CLOCK: variants seen among roughly 807,000 people sequenced by gnomAD.
CLOCK encodes clock circadian regulator.
In CLOCK, 43 loss-of-function variants were observed where a neutral mutation model predicts 118.4. The observed-to-expected ratio is 0.36, with a 90% CI of 0.28 to 0.47. CLOCK has a LOEUF of 0.47. CLOCK is among the 20% of genes least tolerant of loss of function. CLOCK has a pLI of 1.00. For missense variants in CLOCK, 846 were observed against 999.9 expected, an observed-to-expected ratio of 0.85 and a Z score of 2.08; for synonymous variants, 326 against 339.2, an observed-to-expected ratio of 0.96 and a Z score of 0.43.
At chr4:55,485,313 A>G (rs973910832) in intron 3 of CLOCK, among the ~76,000 whole-genome samples, 2 of 152,184 alleles carry the variant, frequency 1.3e-5, no homozygotes, top group Non-Finnish European at 2.9e-5. Context: ...TTTCCAGCCA[A>G]TTGACATACA....
intron 11 of CLOCK, among the ~76,000 whole-genome samples, chr4:55,458,235 T>C (rs535865914): frequency 6.6e-6 from 1 of 152,320 alleles, no homozygotes; most frequent in South Asian, 2.1e-4. Flanking sequence ...TAATTTTTTG[T>C]ATTTTTTGTA....
At chr4:55,472,956 A>G (rs896819619) in intron 7 of CLOCK, among the ~76,000 whole-genome samples, 2 of 152,278 alleles carry the variant, frequency 1.3e-5, no homozygotes, top group Non-Finnish European at 1.5e-5. Flanking sequence ...ACTGTTCGCC[A>G]GGCTTACACC....
Position 55,516,154 on chromosome 4 carries a change from G to A in CLOCK, c.-289-6089C>T, listed in dbSNP as rs1577838082. Among the ~76,000 whole-genome samples the A allele has an allele frequency of 2.0e-5, 3 of 152,168 alleles. No homozygotes were observed. The East Asian group carries it at 5.8e-4, about 29-fold the overall frequency. On this transcript the variant is annotated intron_variant, in intron 1 of 22. Transcript: ENST00000513440. ...TGTGGTGAGTGTTCCATGTAGGCTT[G>A]AGAAGAATGTGTATTGTGCTGTTGT...
intron 1 of CLOCK, among the ~76,000 whole-genome samples, chr4:55,543,821 T>C (rs1052813311): frequency 2.6e-5 from 4 of 151,596 alleles, no homozygotes; most frequent in Non-Finnish European, 4.4e-5. Context: ...TTAAAAAAGA[T>C]TGAACGGACC....
intron 18 of CLOCK, among the ~76,000 whole-genome samples, chr4:55,446,049 C>T (rs950601484): frequency 2.6e-5 from 4 of 151,046 alleles, no homozygotes; most frequent in African/African-American, 7.3e-5. Flanking sequence ...CCTGGATTTA[C>T]AAGACCTGAG....
At chr4:55,485,969 C>T (rs1727272754) in intron 3 of CLOCK, among the ~76,000 whole-genome samples, 1 of 152,126 alleles carries the variant, frequency 6.6e-6, no homozygotes, top group Non-Finnish European at 1.5e-5. Flanking sequence ...GAATCAAATG[C>T]TCCTTTACTT....
chr4:55,516,961 T>G (rs1347976131), intron 1 of CLOCK, among the ~76,000 whole-genome samples: 1 of 152,228 alleles, frequency 6.6e-6, no homozygotes, highest in Non-Finnish European at 1.5e-5. Context: ...TACCACGTAA[T>G]AATCCTAATA....
intron 1 of CLOCK, among the ~76,000 whole-genome samples, chr4:55,543,857 G>A (rs1447683936): frequency 1.3e-5 from 2 of 151,660 alleles, no homozygotes; most frequent in African/African-American, 4.8e-5. Flanking sequence ...TGAAAAATAA[G>A]TGACACTTTG....
chr4:55,536,706 A>G (rs754464658), intron 1 of CLOCK, among the ~76,000 whole-genome samples: 1 of 152,220 alleles, frequency 6.6e-6, no homozygotes, highest in Admixed American at 6.5e-5. Context: ...ATTCTTTTAT[A>G]GTAATGCAAA....
intron 2 of CLOCK, among the ~76,000 whole-genome samples, chr4:55,495,476 G>A (rs1728004627): frequency 6.6e-6 from 1 of 151,964 alleles, no homozygotes; most frequent in African/African-American, 2.4e-5. Flanking sequence ...GAACTTCCTT[G>A]TAACTCACTG....
chr4:55,437,791 T>G (rs1723004621), intron 22 of CLOCK, among the ~76,000 whole-genome samples: 1 of 152,202 alleles, frequency 6.6e-6, no homozygotes, highest in South Asian at 2.1e-4. Flanking sequence ...TACATATACT[T>G]AGCTCATAGA....
At position 55,519,082 on chromosome 4, in the gene CLOCK, C is replaced by T. The variant is rs79265596; in HGVS notation, c.-289-9017G>A. Among the ~76,000 whole-genome samples the T allele has an allele frequency of 1.9e-3, 287 of 152,212 alleles. 1 individual carries two copies. The highest frequency in any genetic ancestry group is 6.4e-3 in the African/African-American group (265 of 41,528). On this transcript the variant is annotated intron_variant, in intron 1 of 22. Transcript: ENST00000513440. ...ATTTTACTTTTACTTGATAGGGTTT[C>T]GCTCTGTTGCCCAGGCTGGAGTGCA...
At chr4:55,477,600 T>C (rs1317423632) in intron 6 of CLOCK, among the ~76,000 whole-genome samples, 2 of 152,126 alleles carry the variant, frequency 1.3e-5, no homozygotes, top group African/African-American at 4.8e-5. Context: ...AATTCAATTT[T>C]AGATGCACTG....
rs1035435087 is a variant in CLOCK, at chr4:55,493,205, C to T, written c.-135-3740G>A. Among the ~76,000 whole-genome samples, 5 of 151,948 alleles carry T rather than the reference C, an allele frequency of 3.3e-5. No homozygotes were observed. In the South Asian group the frequency reaches 1.0e-3, roughly 32 times the overall value. On this transcript the variant is annotated intron_variant, in intron 2 of 22. Transcript: ENST00000513440. Reference sequence around the variant, plus strand: ...AACTTAACAGAGACTATTTTTCTAGCCATTTAAAGAAAACAAAGTTTCATC... The same window carrying T: ...AACTTAACAGAGACTATTTTTCTAGTCATTTAAAGAAAACAAAGTTTCATC...
intron 3 of CLOCK, among the ~76,000 whole-genome samples, chr4:55,483,752 A>AC (rs1003403254): frequency 6.6e-6 from 1 of 152,220 alleles, no homozygotes; most frequent in African/African-American, 2.4e-5. Flanking sequence ...TAATTACTAG[A>AC]CCATAAAGTT....
At chr4:55,459,654 T>C (rs1451573955) in intron 9 of CLOCK, among the ~76,000 whole-genome samples, 1 of 152,118 alleles carries the variant, frequency 6.6e-6, no homozygotes, top group African/African-American at 2.4e-5. Context: ...ATCTACACCT[T>C]TGGGTCCTTA....
chr4:55,469,515 C>A (rs913190403), intron 8 of CLOCK, among the ~76,000 whole-genome samples: 1 of 152,068 alleles, frequency 6.6e-6, no homozygotes, highest in Non-Finnish European at 1.5e-5. Flanking sequence ...TCCTGAAGAC[C>A]CTCCAATGGG....
chr4:55,543,079 A>AT (rs1008698172), intron 1 of CLOCK, among the ~76,000 whole-genome samples: 3 of 152,050 alleles, frequency 2.0e-5, no homozygotes, highest in Non-Finnish European at 4.4e-5. Flanking sequence ...CATCTGGCTA[A>AT]TTTTTTTTAA....
intron 9 of CLOCK, among the ~76,000 whole-genome samples, chr4:55,463,352 T>C (rs1297678625): frequency 1.3e-5 from 2 of 152,014 alleles, no homozygotes; most frequent in Non-Finnish European, 2.9e-5. Context: ...ATGTTTAATT[T>C]TCCCTTATTA....
Sources: gnomAD v4.1 joint callset for allele counts (sites outside exome capture counted in the v4.1 genomes callset) on GRCh38, gnomAD v4.1.1 for gene constraint, MANE v1.5 for transcripts, NCBI Gene and HGNC (gene_info 2026-07-23, HGNC 2026-07-21) for gene names.